Variants in CHSY3 observed in about 807,000 individuals in gnomAD.
The protein encoded by CHSY3 is chondroitin sulfate synthase 3.
Under a neutral mutation model 67.2 loss-of-function variants are expected in CHSY3, and 35 were observed. The ratio of observed to expected loss-of-function variants is 0.52; its 90% confidence interval spans 0.40 to 0.69. The LOEUF (loss-of-function observed/expected upper bound fraction) is 0.69, where lower values mean the gene tolerates loss of function less well. CHSY3 is among the 30% of genes least tolerant of loss of function. The pLI, the probability that CHSY3 is intolerant of heterozygous loss-of-function variation, is 0.00. For synonymous variants in CHSY3, 474 were observed against 434.7 expected, an observed-to-expected ratio of 1.09 and a Z score of -1.12; for missense variants, 1,069 against 1,138.5, an observed-to-expected ratio of 0.94 and a Z score of 0.88.
intron 2 of CHSY3, among the ~76,000 whole-genome samples, chr5:130,122,858 G>T (rs573716965): frequency 1.3e-4 from 20 of 152,242 alleles, no homozygotes; most frequent in African/African-American, 4.8e-4. Context: ...TGTATAACAT[G>T]AGAAAATGAC....
At chr5:130,019,681 C>T (rs1245067503) in intron 2 of CHSY3, among the ~76,000 whole-genome samples, 1 of 152,198 alleles carries the variant, frequency 6.6e-6, no homozygotes, top group Non-Finnish European at 1.5e-5. Context: ...GTTTTTACAA[C>T]TACAATTTCA....
rs139764922 is a variant in CHSY3 at position 130,166,554 on chromosome 5, C to G, written c.1087-17675C>G. ...AAAACTTGACTTTAAAAAGATTAGG[C>G]TTTACTTGATTTTTGTTAGCACTAT... is the stretch of plus-strand genomic sequence containing the variant. On this transcript the variant is annotated intron_variant, in intron 2 of 2. Transcript: ENST00000305031. Among the ~76,000 whole-genome samples the G allele has an allele frequency of 4.1e-3, 619 of 152,166 alleles. 7 individuals are homozygous for G. The highest frequency in any genetic ancestry group is 0.035 in the South Asian group (169 of 4,818).
chr5:130,094,838 C>A (rs565895769), intron 2 of CHSY3, among the ~76,000 whole-genome samples: 154 of 151,944 alleles, frequency 1.0e-3, no homozygotes, highest in African/African-American at 3.5e-3. Flanking sequence ...AGACTGGATA[C>A]TATAAAATAA....
In CHSY3 at chr5:130,035,012, C is replaced by G. The variant is rs114668921; in HGVS notation, c.1086+126652C>G. ...AAGGATAGAGAACTAACAGGGGAAACAGCAAGTAAGTTCTTTTAAGTGATT... is the reference window on the plus strand; with the variant it reads ...AAGGATAGAGAACTAACAGGGGAAAGAGCAAGTAAGTTCTTTTAAGTGATT... On this transcript the variant is annotated intron_variant, in intron 2 of 2. Coordinates refer to ENST00000305031, the MANE Select transcript of CHSY3 (RefSeq NM_175856.5). 4.1e-3 allele frequency among the ~76,000 whole-genome samples: 624 copies of G among 152,132 alleles called. 4 individuals carry two copies. The highest frequency in any genetic ancestry group is 0.014 in the African/African-American group (592 of 41,530).
At position 129,988,497 on chromosome 5, in the gene CHSY3, G is replaced by T. The variant is rs146333589; in HGVS notation, c.1086+80137G>T. ...TATATTTTTCTTTGATGATAGTAAAGGTTGGCCTCTGCCATTTCAGAGCAC... is the reference window on the plus strand; with the variant it reads ...TATATTTTTCTTTGATGATAGTAAATGTTGGCCTCTGCCATTTCAGAGCAC... On this transcript the variant is annotated intron_variant, in intron 2 of 2. Coordinates refer to ENST00000305031, the MANE Select transcript of CHSY3 (RefSeq NM_175856.5). Among the ~76,000 whole-genome samples the T allele has an allele frequency of 2.1e-3, 317 of 152,274 alleles. 1 individual carries two copies. Among genetic ancestry groups the T allele is most frequent in the African/African-American group, 6.4e-3 (267 of 41,568 alleles).
chr5:129,919,712 C>T (rs570305725), intron 2 of CHSY3, among the ~76,000 whole-genome samples: 2 of 152,260 alleles, frequency 1.3e-5, no homozygotes, highest in South Asian at 4.1e-4. Flanking sequence ...ATAGGAGCTA[C>T]AATTCAATAT....
chr5:130,163,113 A>G (rs1769607423), intron 2 of CHSY3, among the ~76,000 whole-genome samples: 1 of 152,172 alleles, frequency 6.6e-6, no homozygotes, highest in South Asian at 2.1e-4. Flanking sequence ...GATTACATGG[A>G]AAGCAGACAT....
chr5:129,976,408 C>CA (rs1446418344), intron 2 of CHSY3, among the ~76,000 whole-genome samples: 1 of 152,150 alleles, frequency 6.6e-6, no homozygotes, highest in Admixed American at 6.5e-5. Flanking sequence ...TTTGCCCCCC[C>CA]ATAACCAATC....
intron 2 of CHSY3, among the ~76,000 whole-genome samples, chr5:129,953,123 C>G (rs190364002): frequency 1.6e-4 from 24 of 152,216 alleles, no homozygotes; most frequent in Non-Finnish European, 2.5e-4. Context: ...AATGCTATCC[C>G]TCCCCTATCC....
At chr5:130,110,937 TTAAAA>T (rs1767574811) in intron 2 of CHSY3, among the ~76,000 whole-genome samples, 1 of 151,814 alleles carries the variant, frequency 6.6e-6, no homozygotes, top group Non-Finnish European at 1.5e-5. Context: ...TTTATTTTTA[TTAAAA>T]TAAATTTATT....
At chr5:129,988,218 C>A (rs933004286) in intron 2 of CHSY3, among the ~76,000 whole-genome samples, 1 of 152,144 alleles carries the variant, frequency 6.6e-6, no homozygotes, top group South Asian at 2.1e-4. Flanking sequence ...GGCACCAGAG[C>A]CATTTTACAT....
At chr5:130,136,206 T>C (rs370042707) in intron 2 of CHSY3, among the ~76,000 whole-genome samples, 1 of 152,228 alleles carries the variant, frequency 6.6e-6, no homozygotes, top group South Asian at 2.1e-4. Context: ...TACGGGAAGA[T>C]ATTAAGCCAG....
rs143367640 is a variant in CHSY3, at chr5:129,905,518, A to G, written c.689A>G (p.Asp230Gly). ...PLPVIALPGV[D>G]DSYPPQKKSF... ...CCTGTCATCGCGCTACCGGGTGTGG[A>G]CGACTCCTATCCTCCCCAGAAAAAG... Residue 230 changes from aspartate to glycine, a missense_variant, in exon 1 of 3, where the codon GAC becomes GGC. Around this residue, in one of 5 missense-constraint regions of CHSY3, gnomAD observed 216 missense variants for 311.5 expected, o/e 0.69. Coordinates refer to ENST00000305031, the MANE Select transcript of CHSY3 (RefSeq NM_175856.5). The G allele has an allele frequency of 1.9e-6, 3 of 1,613,130 alleles. No homozygotes were observed. The African/African-American group carries it at 4.0e-5, about 22-fold the overall frequency.
chr5:130,110,931 T>C (rs1283878345), intron 2 of CHSY3, among the ~76,000 whole-genome samples: 1 of 151,788 alleles, frequency 6.6e-6, no homozygotes, highest in Non-Finnish European at 1.5e-5. Context: ...TAATAATTTA[T>C]TTTTATTAAA....
chr5:130,081,080 G>T (rs1268315308), intron 2 of CHSY3, among the ~76,000 whole-genome samples: 1 of 152,106 alleles, frequency 6.6e-6, no homozygotes, highest in African/African-American at 2.4e-5. Context: ...AACAAAGTCT[G>T]TTGGGCCTGC....
intron 2 of CHSY3, among the ~76,000 whole-genome samples, chr5:129,967,651 T>G (rs1196048110): frequency 6.6e-6 from 1 of 151,846 alleles, no homozygotes; most frequent in Non-Finnish European, 1.5e-5. Flanking sequence ...TTTATCTGCA[T>G]CTCATTAATT....
At chr5:130,177,364 CT>C (rs1770087737) in intron 2 of CHSY3, among the ~76,000 whole-genome samples, 1 of 151,812 alleles carries the variant, frequency 6.6e-6, no homozygotes, top group Non-Finnish European at 1.5e-5. Flanking sequence ...ATTGGTTGCC[CT>C]TTATGTTCCT....
intron 2 of CHSY3, among the ~76,000 whole-genome samples, chr5:130,044,636 G>A (rs760304870): frequency 9.2e-5 from 14 of 152,102 alleles, no homozygotes; most frequent in Non-Finnish European, 1.9e-4. Flanking sequence ...ATGTATTTGA[G>A]TCAATGAAAA....
intron 2 of CHSY3, among the ~76,000 whole-genome samples, chr5:129,993,741 G>GATCC (rs1004912061): frequency 2.3e-4 from 35 of 152,168 alleles, no homozygotes; most frequent in African/African-American, 8.4e-4. Flanking sequence ...GTGTGAATTT[G>GATCC]ATCCTGTCAT....
Sources: gnomAD v4.1 joint callset for allele counts (sites outside exome capture counted in the v4.1 genomes callset) on GRCh38, gnomAD v4.1.1 for gene constraint, gnomAD v4.1.1 regional missense constraint, MANE v1.5 for transcripts, NCBI Gene and HGNC (gene_info 2026-07-23, HGNC 2026-07-21) for gene names.